Variants in LDLRAD4 observed in about 807,000 individuals in gnomAD.
LDLRAD4 encodes the protein low density lipoprotein receptor class A domain containing 4, also known as low-density lipoprotein receptor class A domain-containing protein 4.
In LDLRAD4, 5 loss-of-function variants were observed where a neutral mutation model predicts 17.0. That is an observed-to-expected ratio of 0.29 (90% confidence interval 0.15 to 0.62). LDLRAD4 has a LOEUF of 0.62. Among genes scored for constraint, LDLRAD4 ranks in the 20% least tolerant of loss-of-function variants. The pLI, the probability that LDLRAD4 is intolerant of heterozygous loss-of-function variation, is 0.84. For synonymous variants in LDLRAD4, 168 were observed against 171.8 expected, an observed-to-expected ratio of 0.98 and a Z score of 0.17; for missense variants, 340 against 424.7, an observed-to-expected ratio of 0.80 and a Z score of 1.75.
At chr18:13,385,981 C>G (rs1417399679) in intron 1 of LDLRAD4, among the ~76,000 whole-genome samples, 1 of 152,134 alleles carries the variant, frequency 6.6e-6, no homozygotes, top group African/African-American at 2.4e-5. Flanking sequence ...GTCTTAGTAT[C>G]ATTAAAGTAC....
intron 3 of LDLRAD4, among the ~76,000 whole-genome samples, chr18:13,439,420 G>A (rs1279935513): frequency 6.6e-6 from 1 of 152,182 alleles, no homozygotes; most frequent in Non-Finnish European, 1.5e-5. Context: ...AAATTCAAGA[G>A]TCTTATAGTA....
At chr18:13,326,363 G>A (rs1393192111) in intron 1 of LDLRAD4, among the ~76,000 whole-genome samples, 4 of 152,136 alleles carry the variant, frequency 2.6e-5, no homozygotes, top group African/African-American at 9.7e-5. Flanking sequence ...AAGATAAGGT[G>A]AATGAATGTT....
chr18:13,400,558 T>C (rs1315790733), intron 2 of LDLRAD4, among the ~76,000 whole-genome samples: 1 of 152,054 alleles, frequency 6.6e-6, no homozygotes, highest in Non-Finnish European at 1.5e-5. Flanking sequence ...AGAAACGTGG[T>C]GATGGGGAGG....
chr18:13,312,855 C>T (rs536043984), intron 1 of LDLRAD4, among the ~76,000 whole-genome samples: 4 of 152,246 alleles, frequency 2.6e-5, no homozygotes, highest in Admixed American at 6.5e-5. Flanking sequence ...ATAATCATAG[C>T]GAAACCACTT....
chr18:13,451,445 T>C (rs1380715934), intron 3 of LDLRAD4, among the ~76,000 whole-genome samples: 1 of 152,158 alleles, frequency 6.6e-6, no homozygotes. Context: ...CCTTTTACCT[T>C]GCATGATGAG....
At chr18:13,452,996 GA>G (rs148211234) in intron 3 of LDLRAD4, among the ~76,000 whole-genome samples, 17,822 of 152,208 alleles carry the variant, frequency 0.12, 1,211 homozygotes, top group African/African-American at 0.18. Context: ...ACCAGGGAGA[GA>G]AAGGGCACAG....
At chr18:13,530,986 T>C (rs1310415827) in intron 3 of LDLRAD4, among the ~76,000 whole-genome samples, 1 of 152,220 alleles carries the variant, frequency 6.6e-6, no homozygotes, top group Non-Finnish European at 1.5e-5. Flanking sequence ...AAAGTTAAGC[T>C]GCCTCTTAAC....
At chr18:13,245,052 C>T (rs2042887796) in intron 1 of LDLRAD4, among the ~76,000 whole-genome samples, 1 of 152,160 alleles carries the variant, frequency 6.6e-6, no homozygotes, top group South Asian at 2.1e-4. Flanking sequence ...TTATGGTCGA[C>T]TGCACCCTCT....
chr18:13,432,303 CT>C lies in LDLRAD4; in HGVS notation c.41-5940del, dbSNP rs11296017. Among the ~76,000 whole-genome samples the C allele has an allele frequency of 2.7e-3, 404 of 152,352 alleles. 4 individuals are homozygous for C. The highest frequency in any genetic ancestry group is 9.3e-3 in the African/African-American group (385 of 41,586). ...TAGCTAAAGCACTACTTTCTGGATG[CT>C]GTGTTTTGGCAACTTTGTGGAAACC... On this transcript the variant is annotated intron_variant, in intron 2 of 5. Transcript: ENST00000359446.
chr18:13,431,263 A>T (rs989572950), intron 2 of LDLRAD4, among the ~76,000 whole-genome samples: 1 of 152,138 alleles, frequency 6.6e-6, no homozygotes, highest in Admixed American at 6.5e-5. Context: ...GCACTTATTG[A>T]TATTTCTGTT....
chr18:13,534,243 A>T (rs1352567711), intron 3 of LDLRAD4, among the ~76,000 whole-genome samples: 4 of 152,170 alleles, frequency 2.6e-5, no homozygotes, highest in Non-Finnish European at 5.9e-5. Flanking sequence ...AACACTTTTT[A>T]AATTAAAGGC....
chr18:13,400,554 G>A (rs556775937), intron 2 of LDLRAD4, among the ~76,000 whole-genome samples: 2 of 152,302 alleles, frequency 1.3e-5, no homozygotes, highest in African/African-American at 2.4e-5. Flanking sequence ...TCTTAGAAAC[G>A]TGGTGATGGG....
At chr18:13,527,700 G>A (rs2094055388) in intron 3 of LDLRAD4, among the ~76,000 whole-genome samples, 1 of 152,218 alleles carries the variant, frequency 6.6e-6, no homozygotes, top group African/African-American at 2.4e-5. Flanking sequence ...ACGAGGCAGA[G>A]TGTGAGAGCA....
chr18:13,361,235 C>A (rs2083649694), intron 1 of LDLRAD4, among the ~76,000 whole-genome samples: 2 of 152,122 alleles, frequency 1.3e-5, no homozygotes, highest in South Asian at 4.1e-4. Flanking sequence ...CCACACTCGG[C>A]TAATTTTTTG....
At chr18:13,393,524 G>A (rs2086433592) in intron 2 of LDLRAD4, among the ~76,000 whole-genome samples, 3 of 152,162 alleles carry the variant, frequency 2.0e-5, no homozygotes, top group Non-Finnish European at 2.9e-5. Flanking sequence ...TCCCACCTGC[G>A]CCAATGCAGT....
intron 1 of LDLRAD4, among the ~76,000 whole-genome samples, chr18:13,306,834 C>T (rs1041061697): frequency 2.0e-5 from 3 of 151,986 alleles, no homozygotes; most frequent in Non-Finnish European, 4.4e-5. Context: ...AAAGGTGCGC[C>T]AGGGGAGAGG....
At chr18:13,363,269 T>C (rs1397429289) in intron 1 of LDLRAD4, among the ~76,000 whole-genome samples, 1 of 145,402 alleles carries the variant, frequency 6.9e-6, no homozygotes, top group Non-Finnish European at 1.5e-5. Flanking sequence ...GAAGTGGAGC[T>C]TGCAGTGAGC....
At chr18:13,227,282 T>C (rs1343830739) in intron 1 of LDLRAD4, among the ~76,000 whole-genome samples, 1 of 152,190 alleles carries the variant, frequency 6.6e-6, no homozygotes, top group Non-Finnish European at 1.5e-5. Flanking sequence ...TAGGTGGTGA[T>C]GAACTAATTA....
chr18:13,451,827 A>G (rs142555786), intron 3 of LDLRAD4, among the ~76,000 whole-genome samples: 46 of 152,328 alleles, frequency 3.0e-4, no homozygotes, highest in African/African-American at 1.1e-3. Flanking sequence ...CTCTGCCTTC[A>G]TGACTGAATG....
Sources: gnomAD v4.1 joint callset for allele counts (sites outside exome capture counted in the v4.1 genomes callset) on GRCh38, gnomAD v4.1.1 for gene constraint, MANE v1.5 for transcripts, NCBI Gene and HGNC (gene_info 2026-07-23, HGNC 2026-07-21) for gene names.